Variants in CSMD1 observed in about 807,000 individuals in gnomAD.
CSMD1 encodes CUB and Sushi multiple domains 1, also known as CUB and sushi domain-containing protein 1.
CSMD1 carries 213 observed loss-of-function variants against 417.5 expected under a neutral mutation model. The observed-to-expected ratio is 0.51, with a 90% CI of 0.46 to 0.57. The LOEUF is 0.57. Ranked by LOEUF, CSMD1 falls within the 20% of genes least tolerant of loss-of-function variation. The pLI is 0.00. For synonymous variants in CSMD1, 2,862 were observed against 1,736.8 expected, an observed-to-expected ratio of 1.65 and a Z score of -16.11; for missense variants, 6,923 against 4,529.7, an observed-to-expected ratio of 1.53 and a Z score of -15.17.
At chr8:4,352,804 G>A (rs1301021277) in intron 3 of CSMD1, among the ~76,000 whole-genome samples, 3 of 152,198 alleles carry the variant, frequency 2.0e-5, no homozygotes, top group South Asian at 2.1e-4. Flanking sequence ...GGCTGTTGCC[G>A]TCCATTTCAA....
intron 4 of CSMD1, among the ~76,000 whole-genome samples, chr8:4,001,576 C>A (rs1172228328): frequency 1.3e-5 from 2 of 152,160 alleles, no homozygotes; most frequent in Non-Finnish European, 1.5e-5. Flanking sequence ...ATTTAAAATG[C>A]CAGTGGCTGA....
rs570972336 is a variant in CSMD1 at position 4,352,064 on chromosome 8, C to T, written c.415+67889G>A. ...TGTCCCAGTGTGGTCTACAATTATT[C>T]AGTGTTAGCCACTCTCCTTCTACTG... is the stretch of plus-strand genomic sequence containing the variant. On this transcript the variant is annotated intron_variant, in intron 3 of 69. Coordinates refer to ENST00000635120, the MANE Select transcript of CSMD1 (RefSeq NM_033225.6). Among the ~76,000 whole-genome samples the T allele has an allele frequency of 2.0e-5, 3 of 150,064 alleles. No homozygotes were observed. The Admixed American group carries it at 2.0e-4, about 10-fold the overall frequency.
At chr8:3,280,084 G>A (rs1031507397) in intron 26 of CSMD1, among the ~76,000 whole-genome samples, 2 of 152,144 alleles carry the variant, frequency 1.3e-5, no homozygotes, top group African/African-American at 4.8e-5. Flanking sequence ...GGTACCTGAA[G>A]AGAGAGGTAC....
chr8:3,368,476 A>G (rs149787769), intron 19 of CSMD1, among the ~76,000 whole-genome samples: 25 of 152,118 alleles, frequency 1.6e-4, no homozygotes, highest in Non-Finnish European at 2.6e-4. Flanking sequence ...AGCTGCGATT[A>G]CAGGCATGCA....
intron 2 of CSMD1, among the ~76,000 whole-genome samples, chr8:4,450,568 G>A (rs751175938): frequency 3.3e-5 from 5 of 152,076 alleles, no homozygotes; most frequent in Non-Finnish European, 5.9e-5. Context: ...CCGGGAGGCA[G>A]AGGTTGCAGC....
rs1585224562 is a variant in CSMD1, at chr8:4,540,763, T to G, written c.302+96579A>C. ...GGTACTAAGGGCTGTCCACTTACCTTAATCATCCCGGACCAGTGAGGTACC... is the reference window on the plus strand; with the variant it reads ...GGTACTAAGGGCTGTCCACTTACCTGAATCATCCCGGACCAGTGAGGTACC... On this transcript the variant is annotated intron_variant, in intron 2 of 69. Transcript: ENST00000635120. Among the ~76,000 whole-genome samples the G allele has an allele frequency of 2.0e-5, 3 of 152,098 alleles. No individual in the cohort carries two copies. The South Asian group carries it at 6.2e-4, about 31-fold the overall frequency.
rs7836118 is a variant in CSMD1, at chr8:4,732,968, T to C, written c.86-95410A>G. Among the ~76,000 whole-genome samples, 1,155 of 152,156 alleles carry C rather than the reference T, an allele frequency of 7.6e-3. 13 individuals are homozygous for C. Among genetic ancestry groups the C allele is most frequent in the Middle Eastern group, 0.034 (10 of 294 alleles). ...GAGAAGGAGGGAACAGGTGCATTTG[T>C]ACCTCAGCACAAATCTCTAGGGCTA... is the stretch of plus-strand genomic sequence containing the variant. On this transcript the variant is annotated intron_variant, in intron 1 of 69. Transcript: ENST00000635120.
At chr8:4,600,910 TA>T (rs1241403644) in intron 2 of CSMD1, among the ~76,000 whole-genome samples, 1 of 152,036 alleles carries the variant, frequency 6.6e-6, no homozygotes, top group African/African-American at 2.4e-5. Context: ...AGAAAAATAT[TA>T]AAGTAATGTA....
chr8:4,034,595 G>C (rs1390799823), intron 3 of CSMD1, among the ~76,000 whole-genome samples: 2 of 152,084 alleles, frequency 1.3e-5, no homozygotes, highest in Non-Finnish European at 1.5e-5. Flanking sequence ...AGAATGCCTT[G>C]TCCATCAGCT....
chr8:4,984,564 T>C (rs1811071182), intron 1 of CSMD1, among the ~76,000 whole-genome samples: 1 of 152,238 alleles, frequency 6.6e-6, no homozygotes, highest in African/African-American at 2.4e-5. Context: ...CTCCTCAACA[T>C]CCTCATCTTC....
intron 1 of CSMD1, among the ~76,000 whole-genome samples, chr8:4,741,878 G>C (rs1208648320): frequency 9.9e-5 from 15 of 151,918 alleles, no homozygotes; most frequent in Non-Finnish European, 1.8e-4. Context: ...CTGTCACCCA[G>C]GCTGGAGTAC....
chr8:4,294,819 C>G (rs1282679916), intron 3 of CSMD1, among the ~76,000 whole-genome samples: 1 of 151,704 alleles, frequency 6.6e-6, no homozygotes, highest in Non-Finnish European at 1.5e-5. Context: ...ACTTTTCAAC[C>G]CATGTGTAAT....
At chr8:3,429,979 T>G (rs889104022) in intron 12 of CSMD1, among the ~76,000 whole-genome samples, 4 of 152,204 alleles carry the variant, frequency 2.6e-5, no homozygotes, top group Non-Finnish European at 4.4e-5. Context: ...TATGTATGTA[T>G]GTATGTATGT....
At chr8:4,911,908 G>C (rs11136791) in intron 1 of CSMD1, among the ~76,000 whole-genome samples, 1 of 152,016 alleles carries the variant, frequency 6.6e-6, no homozygotes, top group Non-Finnish European at 1.5e-5. Context: ...TTACTAGACA[G>C]GTATTTTGTG....
At chr8:4,126,665 G>T (rs1471490460) in intron 3 of CSMD1, among the ~76,000 whole-genome samples, 3 of 152,122 alleles carry the variant, frequency 2.0e-5, no homozygotes, top group Non-Finnish European at 2.9e-5. Context: ...CTCCTTATTA[G>T]ATTCTGAGGG....
At chr8:4,468,716 A>C (rs1394334282) in intron 2 of CSMD1, among the ~76,000 whole-genome samples, 2 of 152,166 alleles carry the variant, frequency 1.3e-5, no homozygotes, top group Non-Finnish European at 2.9e-5. Flanking sequence ...TAATTCAAAA[A>C]CATTGCTTAG....
At chr8:3,520,962 C>T (rs1323119175) in intron 10 of CSMD1, among the ~76,000 whole-genome samples, 2 of 152,090 alleles carry the variant, frequency 1.3e-5, no homozygotes, top group Admixed American at 6.6e-5. Flanking sequence ...CCTTTGTGCT[C>T]CGTGGAAAAC....
chr8:4,148,196 C>T (rs1273356263), intron 3 of CSMD1, among the ~76,000 whole-genome samples: 1 of 151,996 alleles, frequency 6.6e-6, no homozygotes, highest in Non-Finnish European at 1.5e-5. Context: ...CTATAACTAA[C>T]TGTAAGTTAT....
intron 10 of CSMD1, among the ~76,000 whole-genome samples, chr8:3,507,962 G>A (rs532839031): frequency 6.6e-6 from 1 of 152,266 alleles, no homozygotes; most frequent in African/African-American, 2.4e-5. Flanking sequence ...TAGGTTGCCT[G>A]TTCACTCTGA....
Sources: allele counts gnomAD v4.1 joint callset (sites outside exome capture counted in the v4.1 genomes callset), GRCh38; gene constraint gnomAD v4.1.1; transcripts MANE v1.5; gene names NCBI Gene and HGNC (gene_info 2026-07-23, HGNC 2026-07-21).